Variants in SULF1 observed in about 807,000 individuals in gnomAD.
SULF1 encodes extracellular sulfatase Sulf-1.
Under a neutral mutation model 110.5 loss-of-function variants are expected in SULF1, and 46 were observed. That is an observed-to-expected ratio of 0.42 (90% CI 0.33 to 0.53). The LOEUF (loss-of-function observed/expected upper bound fraction) is 0.53, where lower values mean the gene tolerates loss of function less well. Ranked by LOEUF, SULF1 falls within the 20% of genes least tolerant of loss-of-function variation. SULF1 has a pLI of 0.12. For synonymous variants in SULF1, 371 were observed against 387.1 expected (o/e 0.96, Z 0.49); for missense variants, 941 against 1,094.2 (o/e 0.86, Z 1.98).
intron 6 of SULF1, among the ~76,000 whole-genome samples, chr8:69,585,385 A>G (rs1251125848): frequency 6.6e-6 from 1 of 152,160 alleles, no homozygotes; most frequent in Non-Finnish European, 1.5e-5. Flanking sequence ...GTATTCCAGT[A>G]TATTTATGAC....
In SULF1 at chr8:69,570,350, T is replaced by C. The variant is rs189524753; in HGVS notation, c.173-5620T>C. Among the ~76,000 whole-genome samples the C allele has an allele frequency of 2.4e-3, 363 of 152,270 alleles. 1 individual carries two copies. The highest frequency in any genetic ancestry group is 3.9e-3 in the Non-Finnish European group (266 of 68,016). ...AGTTTTTCTGGACATGACAAACAGGTTTGATGAAATTTTTAATGTTTAGTA... is the reference window on the plus strand; with the variant it reads ...AGTTTTTCTGGACATGACAAACAGGCTTGATGAAATTTTTAATGTTTAGTA... On this transcript the variant is annotated intron_variant, in intron 5 of 22. Transcript: ENST00000402687.
At chr8:69,543,760 G>A (rs529303659) in intron 3 of SULF1, among the ~76,000 whole-genome samples, 14 of 152,148 alleles carry the variant, frequency 9.2e-5, no homozygotes, top group African/African-American at 3.4e-4. Flanking sequence ...TGATTCTCTA[G>A]ACTGTAGCAT....
chr8:69,500,826 T>C (rs1375292788), intron 2 of SULF1, among the ~76,000 whole-genome samples: 2 of 151,098 alleles, frequency 1.3e-5, no homozygotes, highest in African/African-American at 2.4e-5. Context: ...CTGTTTGGAG[T>C]GGAAAGAGGG....
At chr8:69,548,676 G>A (rs1309112765) in intron 3 of SULF1, among the ~76,000 whole-genome samples, 1 of 148,654 alleles carries the variant, frequency 6.7e-6, no homozygotes, top group Admixed American at 6.7e-5. Context: ...GGCCAGGCTG[G>A]TCTCAAACTC....
chr8:69,542,254 A>C (rs1332226571), intron 3 of SULF1, among the ~76,000 whole-genome samples: 3 of 152,172 alleles, frequency 2.0e-5, no homozygotes, highest in Admixed American at 1.3e-4. Flanking sequence ...CACAGTGTTT[A>C]AATATGTGGT....
chr8:69,559,884 TTTG>T (rs1815358974), intron 3 of SULF1, among the ~76,000 whole-genome samples: 1 of 152,188 alleles, frequency 6.6e-6, no homozygotes, highest in African/African-American at 2.4e-5. Flanking sequence ...CTGGGTTTTT[TTTG>T]TTGTTGTTTT....
intron 13 of SULF1, 45 bp downstream of exon 13, chr8:69,604,977 A>T: frequency 6.3e-7 from 1 of 1,598,274 alleles, no homozygotes; most frequent in East Asian, 2.2e-5. Flanking sequence ...GTGCTTCTCC[A>T]TCTCTAATTT....
At chr8:69,618,012 A>C (rs1009724747) in intron 13 of SULF1, among the ~76,000 whole-genome samples, 1 of 152,216 alleles carries the variant, frequency 6.6e-6, no homozygotes, top group Non-Finnish European at 1.5e-5. Context: ...ATCCAGCTGC[A>C]AAACTGTCCA....
At position 69,574,182 on chromosome 8, in the gene SULF1, G is replaced by T. The variant is rs371637903; in HGVS notation, c.173-1788G>T. 5.9e-5 allele frequency among the ~76,000 whole-genome samples: 9 copies of T among 152,324 alleles called. No individual in the cohort carries two copies. In the East Asian group the frequency reaches 1.7e-3, roughly 29 times the overall value. On this transcript the variant is annotated intron_variant, in intron 5 of 22. Transcript: ENST00000402687. ...ACATGCCGTTCGTGTCTTTGACACAGAACATAACTCTACCTTTGTTTTTTT... is the reference window on the plus strand; with the variant it reads ...ACATGCCGTTCGTGTCTTTGACACATAACATAACTCTACCTTTGTTTTTTT...
chr8:69,628,335 G>A (rs1306942019), intron 18 of SULF1, 99 bp downstream of exon 18: 19 of 998,596 alleles, frequency 1.9e-5, no homozygotes, highest in Middle Eastern at 2.1e-4. Flanking sequence ...CTGCAGTGCC[G>A]CTTCAGAAGA....
intron 6 of SULF1, among the ~76,000 whole-genome samples, chr8:69,580,010 A>T (rs962092417): frequency 6.6e-6 from 1 of 152,224 alleles, no homozygotes; most frequent in African/African-American, 2.4e-5. Flanking sequence ...AAATTACTAA[A>T]GGGCTTATTT....
chr8:69,552,685 C>G (rs930549030), intron 3 of SULF1, among the ~76,000 whole-genome samples: 6 of 152,198 alleles, frequency 3.9e-5, no homozygotes, highest in African/African-American at 1.4e-4. Flanking sequence ...CAACCAATGG[C>G]CACATTAAAA....
intron 8 of SULF1, among the ~76,000 whole-genome samples, chr8:69,592,471 G>A (rs1237209667): frequency 6.6e-6 from 1 of 151,862 alleles, no homozygotes; most frequent in Non-Finnish European, 1.5e-5. Context: ...ATTCTATAAA[G>A]TAAAATCTAC....
intron 3 of SULF1, among the ~76,000 whole-genome samples, chr8:69,534,089 C>T (rs1276291204): frequency 6.6e-6 from 1 of 152,104 alleles, no homozygotes; most frequent in East Asian, 1.9e-4. Context: ...AAATATTTTG[C>T]TAATGACTTC....
chr8:69,573,368 C>T (rs959764252), intron 5 of SULF1, among the ~76,000 whole-genome samples: 1 of 152,140 alleles, frequency 6.6e-6, no homozygotes, highest in Non-Finnish European at 1.5e-5. Flanking sequence ...AAGTTTTAGC[C>T]CCTGTTTTTA....
upstream of SULF1, among the ~76,000 whole-genome samples, chr8:69,491,154 C>T (rs1002434699): frequency 1.3e-5 from 2 of 152,144 alleles, no homozygotes; most frequent in South Asian, 4.1e-4. Flanking sequence ...CACGGTCGAT[C>T]CAACTAGCAC....
At chr8:69,580,136 A>G (rs1260245370) in intron 6 of SULF1, among the ~76,000 whole-genome samples, 1 of 152,172 alleles carries the variant, frequency 6.6e-6, no homozygotes, top group Non-Finnish European at 1.5e-5. Context: ...TGGACTGGCT[A>G]TAGCCTAAAT....
intron 19 of SULF1, among the ~76,000 whole-genome samples, chr8:69,634,941 G>T (rs982410085): frequency 6.6e-6 from 1 of 152,106 alleles, no homozygotes. Context: ...GATTACAGGC[G>T]CCTGCCACCA....
chr8:69,634,535 G>A (rs1810824480), intron 19 of SULF1, among the ~76,000 whole-genome samples: 4 of 152,274 alleles, frequency 2.6e-5, no homozygotes, highest in Non-Finnish European at 4.4e-5. Context: ...TTGGGAAGCC[G>A]AGGCAGGTGG....
Sources: allele counts gnomAD v4.1 joint callset (sites outside exome capture counted in the v4.1 genomes callset), GRCh38; gene constraint gnomAD v4.1.1; transcripts MANE v1.5; gene names NCBI Gene and HGNC (gene_info 2026-07-23, HGNC 2026-07-21).